CPS1: variants seen among roughly 807,000 people sequenced by gnomAD.
CPS1 encodes the protein carbamoyl-phosphate synthase [ammonia], mitochondrial.
Under a neutral mutation model 174.6 loss-of-function variants are expected in CPS1, and 109 were observed. The ratio of observed to expected loss-of-function variants is 0.62; its 90% CI spans 0.53 to 0.73. CPS1 has a LOEUF of 0.73. Among genes scored for constraint, CPS1 ranks in the 30% least tolerant of loss-of-function variants. The probability of loss-of-function intolerance (pLI) is 0.00; values close to 1 mark genes in which losing one functional copy is unlikely to be tolerated. For synonymous variants in CPS1, 637 were observed against 632.0 expected, an observed-to-expected ratio of 1.01 and a Z score of -0.12; for missense variants, 1,689 against 1,821.9, an observed-to-expected ratio of 0.93 and a Z score of 1.33.
In CPS1 at chr2:210,600,565, A is replaced by G. The variant is rs1169552634; in HGVS notation, c.1560A>G (p.Leu520=). 6.2e-7 allele frequency: 1 copy of G among 1,612,126 alleles called. No individual in the cohort carries two copies. The highest frequency in any genetic ancestry group is 1.7e-4 in the Middle Eastern group (1 of 6,044). ...GQTALNCGVE[L]FKRGVLKEYG... The stretch of plus-strand genomic sequence containing the variant: ...TTGGTTCTTCTTTAGGAGTGGAACT[A>G]TTCAAGAGAGGTGTGCTCAAGGAAT... Residue 520 remains leucine, a synonymous_variant, in exon 15 of 38, where the codon CTA becomes CTG. Coordinates refer to ENST00000233072, the MANE Select transcript of CPS1 (RefSeq NM_001875.5).
In CPS1 at chr2:210,608,567, CT is replaced by C. The variant is rs747989822; in HGVS notation, c.2391+10del. The C allele has an allele frequency of 1.9e-6, 3 of 1,610,296 alleles. No homozygotes were observed. Among genetic ancestry groups the C allele is most frequent in the Non-Finnish European group, 2.5e-6 (3 of 1,177,376 alleles). On this transcript the variant is annotated intron_variant, in intron 19 of 37. Coordinates refer to ENST00000233072, the MANE Select transcript of CPS1 (RefSeq NM_001875.5). ...ATGAAAAGTGTAGGAGAGGTGAGTC[CT>C]TGGTTTATTACGCTTTTCTTCTTGT...
rs1002781872 is a variant in CPS1 at position 210,595,467 on chromosome 2, C to A, written c.1264-20C>A. 6.4e-7 allele frequency: 1 copy of A among 1,550,714 alleles called. No homozygotes were observed. Among genetic ancestry groups the A allele is most frequent in the Non-Finnish European group, 8.9e-7 (1 of 1,123,178 alleles). ...CCCATTTTAGCAGTAATAACAGTGTCTTTTTCTTATTGCTTATAGGTTTCC... is the reference window on the plus strand; with the variant it reads ...CCCATTTTAGCAGTAATAACAGTGTATTTTTCTTATTGCTTATAGGTTTCC... On this transcript the variant is annotated intron_variant, in intron 12 of 37. Coordinates refer to ENST00000233072, the MANE Select transcript of CPS1 (RefSeq NM_001875.5).
intron 1 of CPS1, chr2:210,519,699 C>G (rs1695770997): frequency 1.0e-6 from 1 of 977,044 alleles, no homozygotes; most frequent in Admixed American, 6.2e-5. Flanking sequence ...ACCAGTCAGA[C>G]AAACCCAATT....
At chr2:210,570,521 G>A (rs954880266) in intron 1 of CPS1, among the ~76,000 whole-genome samples, 5 of 151,804 alleles carry the variant, frequency 3.3e-5, no homozygotes, top group African/African-American at 4.8e-5. Flanking sequence ...AAAGAGAAAA[G>A]CAAAATAAAA....
chr2:210,638,252 C>G (rs2105896076), intron 22 of CPS1, among the ~76,000 whole-genome samples: 1 of 152,174 alleles, frequency 6.6e-6, no homozygotes, highest in African/African-American at 2.4e-5. Context: ...TTGGCAGTAA[C>G]TTTTTACAGG....
In CPS1 at chr2:210,529,758, T is replaced by G. The variant is rs182494778; in HGVS notation, c.4-26961T>G. Among the ~76,000 whole-genome samples, 52 of 152,082 alleles carry G rather than the reference T, an allele frequency of 3.4e-4. No homozygotes were observed. In the East Asian group the frequency reaches 9.5e-3, roughly 28 times the overall value. On this transcript the variant is annotated intron_variant, in intron 1 of 38. Transcript: ENST00000430249. ...ATAATAAGTGACCTTATTGTGGAGA[T>G]GGATGAGGATGGATAAAATATGGAT... is the stretch of plus-strand genomic sequence containing the variant.
In CPS1 at chr2:210,501,956, T is replaced by C. The variant is rs560501027; in HGVS notation, c.3+24190T>C. 3.3e-5 allele frequency among the ~76,000 whole-genome samples: 5 copies of C among 152,300 alleles called. No individual in the cohort carries two copies. The South Asian group carries it at 1.0e-3, about 32-fold the overall frequency. On this transcript the variant is annotated intron_variant, in intron 1 of 38. Transcript: ENST00000430249. ...TAATTTATAAGGGAAAAAGGTTTAATTGACTCACAGTTCCACATGGCTGGA... is the reference window on the plus strand; with the variant it reads ...TAATTTATAAGGGAAAAAGGTTTAACTGACTCACAGTTCCACATGGCTGGA...
intron 1 of CPS1, among the ~76,000 whole-genome samples, chr2:210,479,568 A>G (rs1352751890): frequency 6.6e-6 from 1 of 152,122 alleles, no homozygotes; most frequent in Non-Finnish European, 1.5e-5. Context: ...ACCTCAAGTG[A>G]TATGCCTGAC....
intron 27 of CPS1, among the ~76,000 whole-genome samples, chr2:210,648,892 G>A (rs1287007480): frequency 6.6e-6 from 1 of 152,214 alleles, no homozygotes; most frequent in Non-Finnish European, 1.5e-5. Flanking sequence ...AGAAATGACA[G>A]CTTATCTTTG....
In CPS1 at chr2:210,599,541, G is replaced by A; in HGVS notation, c.1529G>A (p.Gly510Asp). The A allele has an allele frequency of 6.2e-7, 1 of 1,612,382 alleles. No homozygotes were observed. Among genetic ancestry groups the A allele is most frequent in the Non-Finnish European group, 8.5e-7 (1 of 1,178,932 alleles). ...QPDGLILGMG[G>D]QTALNCGVEL... ...GATGGGTTAATTCTGGGCATGGGTG[G>A]CCAGACAGCTCTGAACTGTGGTGAG... Residue 510 changes from glycine to aspartate, a missense_variant, in exon 14 of 38, where the codon GGC becomes GAC. Coordinates refer to ENST00000233072, the MANE Select transcript of CPS1 (RefSeq NM_001875.5).
intron 1 of CPS1, among the ~76,000 whole-genome samples, chr2:210,497,889 CATACATATAT>C (rs1695032142): frequency 1.6e-5 from 1 of 63,066 alleles, no homozygotes. Flanking sequence ...ACAATATATA[CATACATATAT>C]ATATATATAT....
intron 1 of CPS1, among the ~76,000 whole-genome samples, chr2:210,490,587 G>T (rs1694849904): frequency 6.6e-6 from 1 of 152,236 alleles, no homozygotes; most frequent in South Asian, 2.1e-4. Context: ...GTAGAAGTTT[G>T]TGGGGGGACA....
intron 1 of CPS1, among the ~76,000 whole-genome samples, chr2:210,478,943 CT>C (rs1472375614): frequency 3.6e-5 from 2 of 54,848 alleles, no homozygotes; most frequent in African/African-American, 1.0e-4. Flanking sequence ...CCTCCCTTCC[CT>C]CCCTCCCTCC....
chr2:210,636,235 C>T (rs1286032557), intron 21 of CPS1, among the ~76,000 whole-genome samples: 1 of 151,908 alleles, frequency 6.6e-6, no homozygotes, highest in Non-Finnish European at 1.5e-5. Context: ...TTCTTCTGTC[C>T]CTTAGCTCTT....
At chr2:210,662,308 C>T (rs1259969863) in intron 32 of CPS1, among the ~76,000 whole-genome samples, 2 of 151,968 alleles carry the variant, frequency 1.3e-5, no homozygotes, top group Non-Finnish European at 2.9e-5. Context: ...ATCTTAATAG[C>T]CCTAGTGAGG....
chr2:210,594,544 G>C lies in CPS1; in HGVS notation c.1201G>C (p.Gly401Arg), dbSNP rs760895692. ...FDSFFSLIKK[G>R]KATTITSVLP... Reference sequence around the variant, plus strand: ...TTCCTTTTTCTCACTGATAAAGAAAGGAAAAGCTACCACCATTACATCAGT... The same window carrying C: ...TTCCTTTTTCTCACTGATAAAGAAACGAAAAGCTACCACCATTACATCAGT... Residue 401 changes from glycine (G) to arginine (R), a missense_variant, in exon 12 of 38, where the codon GGA (glycine) becomes CGA (arginine). Physicochemically the swap from Gly to Arg is moderately radical, Grantham distance 125. Coordinates refer to ENST00000233072, the MANE Select transcript of CPS1 (RefSeq NM_001875.5). 15 of 1,611,034 alleles carry C rather than the reference G, an allele frequency of 9.3e-6. No homozygotes were observed. The Admixed American group carries it at 1.7e-4, about 18-fold the overall frequency.
chr2:210,522,007 G>A (rs1695839230), intron 1 of CPS1, among the ~76,000 whole-genome samples: 1 of 151,892 alleles, frequency 6.6e-6, no homozygotes, highest in Non-Finnish European at 1.5e-5. Flanking sequence ...CCCACATATA[G>A]ACTATGGCTA....
chr2:210,576,406 T>G lies in CPS1; in HGVS notation c.297T>G (p.Pro99=), dbSNP rs1246973809. The change falls in exon 3 of 38, where the codon CCT becomes CCG. Residue 99 remains proline (P), a synonymous_variant. Coordinates refer to ENST00000233072, the MANE Select transcript of CPS1 (RefSeq NM_001875.5). ...GACAGATTCTCACAATGGCCAACCC[T>G]ATTATTGGGAATGGTGGAGCTCCTG... ...YKGQILTMAN[P]IIGNGGAPDT... The G allele has an allele frequency of 6.2e-7, 1 of 1,613,662 alleles. No homozygotes were observed. Among genetic ancestry groups the G allele is most frequent in the Non-Finnish European group, 8.5e-7 (1 of 1,179,766 alleles).
At chr2:210,490,090 GAAAT>G (rs761271049) in intron 1 of CPS1, among the ~76,000 whole-genome samples, 1 of 142,462 alleles carries the variant, frequency 7.0e-6, no homozygotes, top group Non-Finnish European at 1.6e-5. Flanking sequence ...GATGAAGAAA[GAAAT>G]AAACATATTT....
Sources: allele counts gnomAD v4.1 joint callset (sites outside exome capture counted in the v4.1 genomes callset), GRCh38; gene constraint gnomAD v4.1.1; transcripts MANE v1.5; gene names NCBI Gene and HGNC (gene_info 2026-07-23, HGNC 2026-07-21).